SH2D7: variants seen among roughly 807,000 people sequenced by gnomAD.
SH2D7 encodes SH2 domain-containing protein 7.
In SH2D7, 32 loss-of-function variants were observed where a neutral mutation model predicts 40.8. The ratio of observed to expected loss-of-function variants is 0.78; its 90% confidence interval spans 0.59 to 1.05. The LOEUF (loss-of-function observed/expected upper bound fraction) is 1.05, where lower values mean the gene tolerates loss of function less well. Among genes scored for constraint, SH2D7 ranks in the 50% least tolerant of loss-of-function variants. The pLI, the probability that SH2D7 is intolerant of heterozygous loss-of-function variation, is 0.00. For missense variants in SH2D7, 559 were observed against 566.6 expected, an observed-to-expected ratio of 0.99 and a Z score of 0.14; for synonymous variants, 195 against 221.5, an observed-to-expected ratio of 0.88 and a Z score of 1.06.
At position 78,098,411 on chromosome 15, in the gene SH2D7, A is replaced by G; in HGVS notation, c.460A>G (p.Ile154Val). The G allele has an allele frequency of 6.2e-7, 1 of 1,613,786 alleles. No individual in the cohort carries two copies. The highest frequency in any genetic ancestry group is 8.5e-7 in the Non-Finnish European group (1 of 1,179,872). The change falls in exon 4 of 6, where the codon ATC (isoleucine) becomes GTC (valine). Residue 154 changes from isoleucine (I) to valine (V), a missense_variant. Ile to Val is a conservative substitution (Grantham distance 29). Coordinates refer to ENST00000328828, the MANE Select transcript of SH2D7 (RefSeq NM_001101404.2). ...RPEDNDLYDAITRGLHQTIVD... is the reference protein window; with the variant it reads ...RPEDNDLYDAVTRGLHQTIVD... ...AGAGGACAATGATCTGTATGATGCC[A>G]TCACCCGGGGCCTCCACCAGACCAT...
Position 78,097,995 on chromosome 15 carries a change from A to G in SH2D7, c.333A>G (p.Gly111=). 6.2e-7 allele frequency: 1 copy of G among 1,613,988 alleles called. No homozygotes were observed. The highest frequency in any genetic ancestry group is 8.5e-7 in the Non-Finnish European group (1 of 1,179,870). The change falls in exon 3 of 6, where the codon GGA becomes GGG. Residue 111 remains glycine, a synonymous_variant. Transcript: ENST00000328828. ...QLRNRRYIIS[G]DTQSHSTLAE... is the part of the protein sequence containing the mutation. ...GAAACCGGCGTTACATCATCTCAGG[A>G]GACACCCAGAGCCACAGCACCCTGG...
intron 2 of SH2D7, among the ~76,000 whole-genome samples, chr15:78,095,406 C>T (rs1379704043): frequency 6.6e-6 from 1 of 152,044 alleles, no homozygotes; most frequent in African/African-American, 2.4e-5. Flanking sequence ...AGGGAGAATA[C>T]TAACTTATAA....
chr15:78,099,480 ATT>A (rs34331155), intron 4 of SH2D7, among the ~76,000 whole-genome samples: 181 of 133,074 alleles, frequency 1.4e-3, no homozygotes, highest in Non-Finnish European at 1.5e-3. Context: ...TGCCTGGCTA[ATT>A]TTTTTTTTTT....
chr15:78,095,520 G>A (rs534090815), intron 2 of SH2D7, among the ~76,000 whole-genome samples: 1 of 152,344 alleles, frequency 6.6e-6, no homozygotes, highest in South Asian at 2.1e-4. Flanking sequence ...TACAACAGAG[G>A]CATCACTGCA....
At chr15:78,098,617 C>A in intron 4 of SH2D7, 21 bp downstream of exon 4, 1 of 1,607,818 alleles carries the variant, frequency 6.2e-7, no homozygotes, top group Non-Finnish European at 8.5e-7. Flanking sequence ...TTATGGGCCA[C>A]CTAGAGTCAG....
intron 1 of SH2D7, among the ~76,000 whole-genome samples, 168 bp from the exon 2 acceptor site, chr15:78,093,944 C>T (rs557931646): frequency 2.0e-5 from 3 of 152,320 alleles, no homozygotes; most frequent in Admixed American, 1.3e-4. Flanking sequence ...CATGCTGAAC[C>T]CTGACAGGCC....
rs769024343 is a variant in SH2D7, at chr15:78,101,349, A to G, written c.1096A>G (p.Thr366Ala). 2 of 1,613,526 alleles carry G rather than the reference A, an allele frequency of 1.2e-6. No homozygotes were observed. The highest frequency in any genetic ancestry group is 4.5e-5 in the East Asian group (2 of 44,884). ...AGGCCTCCTGCAAGAGGCCAGGGACACACCAGACCAAGAAGGCAGCACCTA... is the reference window on the plus strand; with the variant it reads ...AGGCCTCCTGCAAGAGGCCAGGGACGCACCAGACCAAGAAGGCAGCACCTA... ...TEGLLQEARD[T>A]PDQEGSTYEQ... The change falls in exon 5 of 6, where the codon ACA (threonine) becomes GCA (alanine). Residue 366 changes from threonine to alanine, a missense_variant. By Grantham distance (58) the Thr-to-Ala change is moderately conservative. Coordinates refer to ENST00000328828, the MANE Select transcript of SH2D7 (RefSeq NM_001101404.2).
upstream of SH2D7, among the ~76,000 whole-genome samples, chr15:78,090,407 CTAAA>C (rs540151382): frequency 2.0e-5 from 3 of 151,736 alleles, no homozygotes; most frequent in East Asian, 1.9e-4. Flanking sequence ...GGCTCTGTCT[CTAAA>C]TAAATAAATA....
At chr15:78,098,268 C>A (rs2073987126) in intron 3 of SH2D7, 116 bp from the exon 4 acceptor site, 3 of 1,421,174 alleles carry the variant, frequency 2.1e-6, no homozygotes, top group Non-Finnish European at 9.6e-7. Context: ...AATGTCTTAC[C>A]TGAGGTCAGA....
Position 78,101,108 on chromosome 15 carries a change from A to T in SH2D7, c.855A>T (p.Ser285=). ...GCAGGGAGGCCCAAAGGAGACTCTC[A>T]GATGGAGAACAGAACAGGCCTGATG... ...SPGREAQRRL[S]DGEQNRPDGL... The change falls in exon 5 of 6, where the codon TCA becomes TCT. Residue 285 remains serine (S), a synonymous_variant. Coordinates refer to ENST00000328828, the MANE Select transcript of SH2D7 (RefSeq NM_001101404.2). 2 of 1,574,268 alleles carry T rather than the reference A, an allele frequency of 1.3e-6. No homozygotes were observed. The highest frequency in any genetic ancestry group is 1.7e-6 in the Non-Finnish European group (2 of 1,163,940).
At chr15:78,094,311 G>C in intron 2 of SH2D7, 110 bp downstream of exon 2, 5 of 961,010 alleles carry the variant, frequency 5.2e-6, no homozygotes, top group Non-Finnish European at 7.9e-6. Context: ...CCTGGGTCCT[G>C]ACTCCTGAAT....
chr15:78,093,085 G>A (rs1394483606), intron 1 of SH2D7, among the ~76,000 whole-genome samples: 1 of 152,232 alleles, frequency 6.6e-6, no homozygotes, highest in Non-Finnish European at 1.5e-5. Context: ...GTCCAAACCG[G>A]AACACTATTA....
intron 4 of SH2D7, among the ~76,000 whole-genome samples, chr15:78,099,480 A>ATTTTTTTTTT (rs34331155): frequency 7.5e-6 from 1 of 133,130 alleles, no homozygotes; most frequent in African/African-American, 2.9e-5. Flanking sequence ...TGCCTGGCTA[A>ATTTTTTTTTT]TTTTTTTTTT....
At position 78,092,785 on chromosome 15, in the gene SH2D7, C is replaced by G. The variant is rs765709202; in HGVS notation, c.176+25C>G. 51 of 1,591,746 alleles carry G rather than the reference C, an allele frequency of 3.2e-5. No individual in the cohort carries two copies. In the South Asian group the frequency reaches 5.4e-4, roughly 17 times the overall value. ...AGTAAGGCTGCTTCTACCCACAGGT[C>G]CCTCATAGCCCACAGCCCCTTGGGG... On this transcript the variant is annotated intron_variant, in intron 1 of 5. Transcript: ENST00000328828.
intron 2 of SH2D7, among the ~76,000 whole-genome samples, chr15:78,095,874 G>A (rs996624635): frequency 1.3e-5 from 2 of 151,850 alleles, no homozygotes; most frequent in Non-Finnish European, 2.9e-5. Context: ...ACAGAGTCTC[G>A]CTCTCTCGCT....
At chr15:78,100,095 C>G (rs375141296) in intron 4 of SH2D7, among the ~76,000 whole-genome samples, 1 of 152,218 alleles carries the variant, frequency 6.6e-6, no homozygotes, top group South Asian at 2.1e-4. Context: ...GCACATCAAA[C>G]CATATTGTGC....
intron 2 of SH2D7, among the ~76,000 whole-genome samples, chr15:78,094,994 G>C (rs2073961923): frequency 6.6e-6 from 1 of 152,216 alleles, no homozygotes; most frequent in Admixed American, 6.5e-5. Context: ...TAAGTAGGGA[G>C]GGAGGCCAGG....
rs115463219 is a variant in SH2D7, at chr15:78,095,699, C to T, written c.266+1498C>T. ...AAACAATACCATTTCTAGAAGAAAA[C>T]AGGAAAACATTGTCATAGGTAAATG... On this transcript the variant is annotated intron_variant, in intron 2 of 5. Coordinates refer to ENST00000328828, the MANE Select transcript of SH2D7 (RefSeq NM_001101404.2). 1.8e-3 allele frequency among the ~76,000 whole-genome samples: 280 copies of T among 152,076 alleles called. 1 individual carries two copies. Among genetic ancestry groups the T allele is most frequent in the African/African-American group, 6.5e-3 (268 of 41,496 alleles).
chr15:78,098,273 GT>G, intron 3 of SH2D7, 110 bp from the exon 4 acceptor site: 1 of 1,439,058 alleles, frequency 6.9e-7, no homozygotes, highest in Non-Finnish European at 9.5e-7. Context: ...CTTACCTGAG[GT>G]CAGAGACCTG....
Sources: allele counts gnomAD v4.1 joint callset (sites outside exome capture counted in the v4.1 genomes callset), GRCh38; gene constraint gnomAD v4.1.1; transcripts MANE v1.5; gene names NCBI Gene and HGNC (gene_info 2026-07-23, HGNC 2026-07-21).